Variants in KLF8 observed in about 807,000 individuals in gnomAD.
The protein encoded by KLF8 is KLF transcription factor 8.
A neutral mutation model predicts 18.2 loss-of-function variants in KLF8; 10 were observed. The ratio of observed to expected loss-of-function variants is 0.55; its 90% CI spans 0.34 to 0.93. KLF8 has a LOEUF of 0.93. Among genes scored for constraint, KLF8 ranks in the 40% least tolerant of loss-of-function variants. The probability of loss-of-function intolerance (pLI) is 0.02; values close to 1 mark genes in which losing one functional copy is unlikely to be tolerated. For missense variants in KLF8, 264 were observed against 277.9 expected, an observed-to-expected ratio of 0.95 and a Z score of 0.36; for synonymous variants, 109 against 97.3, an observed-to-expected ratio of 1.12 and a Z score of -0.71.
chrX:56,181,191 G>T, the KLF8 span, among the ~76,000 whole-genome samples: 1 of 111,679 alleles, frequency 9.0e-6, no homozygotes, highest in African/African-American at 3.3e-5. Flanking sequence ...TCTTCTTGTT[G>T]AATTGATCCC....
the KLF8 span, among the ~76,000 whole-genome samples, chrX:56,162,712 C>A: frequency 8.9e-6 from 1 of 111,740 alleles, no homozygotes; most frequent in Non-Finnish European, 1.9e-5. Context: ...ACCCCTTGCA[C>A]TTCCTGGGTG....
chrX:56,104,298 C>T, the KLF8 span, among the ~76,000 whole-genome samples: 3 of 111,271 alleles, frequency 2.7e-5, no homozygotes, highest in African/African-American at 9.8e-5. Context: ...GTGCCAGCTC[C>T]TCCTTGTACC....
At chrX:56,164,025 C>T in the KLF8 span, among the ~76,000 whole-genome samples, 1 of 111,754 alleles carries the variant, frequency 8.9e-6, no homozygotes, top group Non-Finnish European at 1.9e-5. Context: ...TTATGCAGTG[C>T]AATGCCTCCA....
chrX:56,049,482 G>T, the KLF8 span, among the ~76,000 whole-genome samples: 1 of 109,571 alleles, frequency 9.1e-6, no homozygotes, highest in Non-Finnish European at 1.9e-5. Context: ...ATGAAGGGTT[G>T]TTGAATTTTG....
intron 2 of KLF8, among the ~76,000 whole-genome samples, chrX:56,255,984 T>A (rs1193296662): frequency 1.8e-5 from 2 of 111,877 alleles, no homozygotes; most frequent in Non-Finnish European, 3.8e-5. Context: ...AAATGTTTGG[T>A]AGAATTCAGC....
At chrX:55,934,353 A>G in the KLF8 span, among the ~76,000 whole-genome samples, 1 of 112,172 alleles carries the variant, frequency 8.9e-6, no homozygotes, top group East Asian at 2.8e-4. Context: ...CAATAATAAA[A>G]GAATCAAGCA....
At chrX:56,068,396 TG>T in the KLF8 span, among the ~76,000 whole-genome samples, 5 of 110,542 alleles carry the variant, frequency 4.5e-5, no homozygotes, top group African/African-American at 1.6e-4. Context: ...AACACCTGGA[TG>T]GCAGAGCACA....
At chrX:56,022,937 AC>A in the KLF8 span, among the ~76,000 whole-genome samples, 4 of 111,653 alleles carry the variant, frequency 3.6e-5, no homozygotes, top group Non-Finnish European at 7.5e-5. Context: ...TATAAAATCT[AC>A]CACCAATAAT....
At chrX:56,245,080 G>A (rs1436614635) in intron 1 of KLF8, among the ~76,000 whole-genome samples, 1 of 112,272 alleles carries the variant, frequency 8.9e-6, no homozygotes, top group Non-Finnish European at 1.9e-5. Context: ...TGTGTGAAAT[G>A]GAAATTATAT....
the KLF8 span, among the ~76,000 whole-genome samples, chrX:56,142,257 A>C: frequency 8.9e-6 from 1 of 111,942 alleles, no homozygotes; most frequent in Admixed American, 9.5e-5. Flanking sequence ...TACTAAATCC[A>C]GTAGTAAAAT....
At chrX:56,156,274 G>A in the KLF8 span, among the ~76,000 whole-genome samples, 3 of 111,607 alleles carry the variant, frequency 2.7e-5, no homozygotes, top group Non-Finnish European at 5.6e-5. Context: ...ACAAGTGCAG[G>A]TTTGTTACAT....
chrX:56,007,676 G>C, the KLF8 span, among the ~76,000 whole-genome samples: 1 of 111,201 alleles, frequency 9.0e-6, no homozygotes, highest in African/African-American at 3.3e-5. Context: ...GTACTTCTCC[G>C]TGGATGAGTT....
chrX:55,989,413 G>C, the KLF8 span, among the ~76,000 whole-genome samples: 14 of 112,426 alleles, frequency 1.2e-4, no homozygotes, highest in Non-Finnish European at 2.3e-4. Context: ...TTAGCACGAA[G>C]GGCTGTTGAA....
At chrX:56,038,843 G>T in the KLF8 span, among the ~76,000 whole-genome samples, 3 of 112,364 alleles carry the variant, frequency 2.7e-5, no homozygotes, top group Admixed American at 2.8e-4. Flanking sequence ...CAGTGAAAAA[G>T]TGTTTCTTTT....
At chrX:56,231,401 C>T (rs1405753828), upstream of KLF8, among the ~76,000 whole-genome samples, 1 of 111,834 alleles carries the variant, frequency 8.9e-6, no homozygotes, top group Non-Finnish European at 1.9e-5. Flanking sequence ...TATAACAGTA[C>T]CTAGTTCCCA....
At chrX:55,983,422 C>T in the KLF8 span, among the ~76,000 whole-genome samples, 1 of 111,639 alleles carries the variant, frequency 9.0e-6, no homozygotes, top group East Asian at 2.8e-4. Context: ...ATTTCATCCA[C>T]ATCAAAGCCT....
the KLF8 span, among the ~76,000 whole-genome samples, chrX:56,130,362 C>G: frequency 9.0e-6 from 1 of 111,724 alleles, no homozygotes; most frequent in Non-Finnish European, 1.9e-5. Flanking sequence ...CAGACCAGAA[C>G]CTGGTAGCCC....
At chrX:55,940,209 A>C in the KLF8 span, among the ~76,000 whole-genome samples, 1 of 112,265 alleles carries the variant, frequency 8.9e-6, no homozygotes, top group African/African-American at 3.2e-5. Context: ...CCTGGGATGC[A>C]AGCCTGGTTT....
chrX:56,082,939 A>G, the KLF8 span, among the ~76,000 whole-genome samples: 1 of 111,843 alleles, frequency 8.9e-6, no homozygotes, highest in Admixed American at 9.5e-5. Flanking sequence ...GACAGGTCAC[A>G]TTTTTCTGAC....
Sources: gnomAD v4.1 joint callset for allele counts (sites outside exome capture counted in the v4.1 genomes callset) on GRCh38, gnomAD v4.1.1 for gene constraint, MANE v1.5 for transcripts, NCBI Gene and HGNC (gene_info 2026-07-23, HGNC 2026-07-21) for gene names.